The following DTHD1 variants were observed in gnomAD, a reference collection of about 807,000 sequenced individuals.
DTHD1 encodes the protein death domain-containing protein 1.
DTHD1 carries 59 observed loss-of-function variants against 74.8 expected under a neutral mutation model. That is an observed-to-expected ratio of 0.79 (90% CI 0.64 to 0.98). The LOEUF is 0.98. Ranked by LOEUF, DTHD1 falls within the 50% of genes least tolerant of loss-of-function variation. The probability of loss-of-function intolerance (pLI) is 0.00; values close to 1 mark genes in which losing one functional copy is unlikely to be tolerated. For synonymous variants in DTHD1, 365 were observed against 371.1 expected (o/e 0.98, Z 0.19); for missense variants, 1,051 against 1,065.4 (o/e 0.99, Z 0.19).
At chr4:36,330,540 C>T (rs1427016485) in intron 8 of DTHD1, among the ~76,000 whole-genome samples, 1 of 152,070 alleles carries the variant, frequency 6.6e-6, no homozygotes, top group Non-Finnish European at 1.5e-5. Context: ...TAACATACTT[C>T]AAGTTTTTAG....
rs1759608670 is a variant in DTHD1 at position 36,346,784 on chromosome 4, G to A, written c.*2960G>A. Reference sequence around the variant, plus strand: ...TCCCTGTGCTCATCTTGGCCTGGCTGTGTCCCTGGCCTGCAACCACTGCTC... The same window carrying A: ...TCCCTGTGCTCATCTTGGCCTGGCTATGTCCCTGGCCTGCAACCACTGCTC... On this transcript the variant is annotated 3_prime_UTR_variant, in exon 10 of 10. Coordinates refer to ENST00000639862, the MANE Select transcript of DTHD1 (RefSeq NM_001170700.3). Among the ~76,000 whole-genome samples the A allele has an allele frequency of 6.6e-6, 1 of 151,930 alleles. No individual in the cohort carries two copies. Among genetic ancestry groups the A allele is most frequent in the South Asian group, 2.1e-4 (1 of 4,816 alleles).
intron 1 of DTHD1, among the ~76,000 whole-genome samples, chr4:36,283,393 T>G (rs1755510900): frequency 1.3e-5 from 2 of 152,198 alleles, no homozygotes; most frequent in Admixed American, 1.3e-4. Flanking sequence ...AGGACTAATT[T>G]GAAAATTTCC....
rs1756011437 is a variant in DTHD1 at position 36,290,529 on chromosome 4, T to A, written c.1044T>A (p.Thr348=). The change falls in exon 3 of 10, where the codon ACT becomes ACA. Residue 348 remains threonine (T), a synonymous_variant. Coordinates refer to ENST00000639862, the MANE Select transcript of DTHD1 (RefSeq NM_001170700.3). ...AAGAGTTAGTTAGCAACGTCATAAC[T>A]ATTGAATGCTCAGATAAGGAAAAGA... ...DNEELVSNVI[T]IECSDKEKRV... 4 of 1,551,694 alleles carry A rather than the reference T, an allele frequency of 2.6e-6. No homozygotes were observed. Among genetic ancestry groups the A allele is most frequent in the Non-Finnish European group, 3.5e-6 (4 of 1,146,978 alleles).
intron 8 of DTHD1, among the ~76,000 whole-genome samples, chr4:36,325,357 T>G (rs1176056825): frequency 1.3e-5 from 2 of 152,222 alleles, no homozygotes; most frequent in Admixed American, 1.3e-4. Flanking sequence ...ATAATTAAGT[T>G]GATCTTTTAT....
intron 5 of DTHD1, among the ~76,000 whole-genome samples, chr4:36,302,827 T>C (rs559382000): frequency 1.9e-3 from 282 of 152,344 alleles, no homozygotes; most frequent in African/African-American, 6.6e-3. Context: ...TTAAAATTAA[T>C]ACTTTAATGA....
chr4:36,296,723 T>A (rs2109469264), intron 5 of DTHD1, among the ~76,000 whole-genome samples: 2 of 152,310 alleles, frequency 1.3e-5, no homozygotes, highest in South Asian at 4.1e-4. Flanking sequence ...TATCATTTGT[T>A]TAAATTGTTC....
rs61796601 is a variant in DTHD1 at position 36,286,054 on chromosome 4, G to A, written c.887+1463G>A. ...TGCTCACCTTGACCTTAGTTATCTC[G>A]CCCATAAAATGAAGAGGTGGTTCTA... is the stretch of plus-strand genomic sequence containing the variant. On this transcript the variant is annotated intron_variant, in intron 2 of 9. Coordinates refer to ENST00000639862, the MANE Select transcript of DTHD1 (RefSeq NM_001170700.3). Among the ~76,000 whole-genome samples the A allele has an allele frequency of 7.6e-3, 1,153 of 152,130 alleles. 11 individuals are homozygous for A. The highest frequency in any genetic ancestry group is 0.014 in the Middle Eastern group (4 of 294).
intron 8 of DTHD1, among the ~76,000 whole-genome samples, chr4:36,319,568 T>C (rs1757941910): frequency 6.6e-6 from 1 of 152,056 alleles, no homozygotes; most frequent in Non-Finnish European, 1.5e-5. Flanking sequence ...GACAAGCCAG[T>C]GGTGGTTGGA....
intron 8 of DTHD1, among the ~76,000 whole-genome samples, chr4:36,335,877 T>G (rs1001301325): frequency 6.6e-6 from 1 of 151,964 alleles, no homozygotes. Flanking sequence ...ATGGAAAGAG[T>G]AGTCAGTAAT....
chr4:36,308,546 CT>C, intron 7 of DTHD1, 53 bp downstream of exon 7: 1 of 1,415,886 alleles, frequency 7.1e-7, no homozygotes, highest in Non-Finnish European at 9.4e-7. Context: ...GCCACAAGCT[CT>C]TCAGAAGAGT....
At chr4:36,315,564 A>T (rs1010991287) in intron 7 of DTHD1, 7 of 152,200 alleles carry the variant, frequency 4.6e-5, no homozygotes, top group African/African-American at 1.7e-4. Flanking sequence ...GTTATAGGAG[A>T]GTGCAGTTCT....
chr4:36,333,065 A>C (rs1353114246), intron 8 of DTHD1, among the ~76,000 whole-genome samples: 3 of 152,208 alleles, frequency 2.0e-5, no homozygotes, highest in Non-Finnish European at 4.4e-5. Context: ...CAGGGGAGTT[A>C]GGATGGTTTT....
intron 8 of DTHD1, among the ~76,000 whole-genome samples, chr4:36,322,984 G>A (rs1758128466): frequency 6.6e-6 from 1 of 152,150 alleles, no homozygotes; most frequent in South Asian, 2.1e-4. Flanking sequence ...TTGCTTATTT[G>A]TGCTAACTTG....
At chr4:36,335,812 T>G (rs13129845) in intron 8 of DTHD1, among the ~76,000 whole-genome samples, 2 of 152,016 alleles carry the variant, frequency 1.3e-5, no homozygotes, top group Admixed American at 1.3e-4. Flanking sequence ...TGAGTTCAAG[T>G]AAAAAATGGT....
chr4:36,314,148 A>ACCAT (rs1041346180), intron 7 of DTHD1, among the ~76,000 whole-genome samples: 1 of 150,534 alleles, frequency 6.6e-6, no homozygotes. Context: ...CTACTCCTAC[A>ACCAT]CCATCTGTAA....
At chr4:36,335,674 C>T (rs1758971157) in intron 8 of DTHD1, among the ~76,000 whole-genome samples, 1 of 152,174 alleles carries the variant, frequency 6.6e-6, no homozygotes, top group African/African-American at 2.4e-5. Context: ...GATCTTGGAG[C>T]ACTGAAAAGC....
intron 8 of DTHD1, among the ~76,000 whole-genome samples, chr4:36,336,953 G>A (rs1175432235): frequency 6.6e-6 from 1 of 152,146 alleles, no homozygotes; most frequent in African/African-American, 2.4e-5. Context: ...ATTGCAAGGA[G>A]GCAAGAGAGG....
chr4:36,315,775 G>A (rs1051288314), intron 7 of DTHD1: 2 of 152,308 alleles, frequency 1.3e-5, no homozygotes, highest in Non-Finnish European at 2.9e-5. Flanking sequence ...CCCAACAACC[G>A]ATGAGAAATC....
Position 36,281,722 on chromosome 4 carries a change from G to T in DTHD1, c.-37G>T, listed in dbSNP as rs369416543. 2.1e-4 allele frequency: 265 copies of T among 1,234,828 alleles called. 1 individual carries two copies. The African/African-American group carries it at 3.8e-3, about 18-fold the overall frequency. The allele number at this position is 1,234,828 out of a possible 1,614,324, so 76.5% of individuals were successfully genotyped here. On this transcript the variant is annotated 5_prime_UTR_variant, in exon 1 of 10. Coordinates refer to ENST00000639862, the MANE Select transcript of DTHD1 (RefSeq NM_001170700.3). ...TGAATTTGCAAAACCTTTAGGCTTT[G>T]CTGGCAGGAGAGAAAATACCACTTT...
Sources: allele counts gnomAD v4.1 joint callset (sites outside exome capture counted in the v4.1 genomes callset), GRCh38; gene constraint gnomAD v4.1.1; transcripts MANE v1.5; gene names NCBI Gene and HGNC (gene_info 2026-07-23, HGNC 2026-07-21).